P4HA1: variants seen among roughly 807,000 people sequenced by gnomAD.
P4HA1 encodes prolyl 4-hydroxylase subunit alpha-1.
Under a neutral mutation model 72.8 loss-of-function variants are expected in P4HA1, and 24 were observed. The ratio of observed to expected loss-of-function variants is 0.33; its 90% CI spans 0.24 to 0.46. The LOEUF is 0.46. Ranked by LOEUF, P4HA1 falls within the 20% of genes least tolerant of loss-of-function variation. The probability of loss-of-function intolerance (pLI) is 1.00; values close to 1 mark genes in which losing one functional copy is unlikely to be tolerated. For missense variants in P4HA1, 446 were observed against 640.6 expected (o/e 0.70, Z 3.28); for synonymous variants, 201 against 218.8 (o/e 0.92, Z 0.72).
At chr10:73,048,345 C>A (rs141190144) in intron 7 of P4HA1, among the ~76,000 whole-genome samples, 1 of 152,148 alleles carries the variant, frequency 6.6e-6, no homozygotes, top group Non-Finnish European at 1.5e-5. Context: ...CTCACTGCAG[C>A]CTCTGCCTCC....
chr10:73,072,756 A>C (rs1841595216), intron 3 of P4HA1, among the ~76,000 whole-genome samples: 1 of 152,216 alleles, frequency 6.6e-6, no homozygotes, highest in South Asian at 2.1e-4. Context: ...CGCTACCATC[A>C]CTATAATCTC....
chr10:73,069,104 T>C (rs2133126367), intron 4 of P4HA1, 121 bp from the exon 5 acceptor site: 3 of 706,798 alleles, frequency 4.2e-6, no homozygotes, highest in Admixed American at 5.7e-5. Context: ...TGAAAAGTTC[T>C]ACATACTCAA....
intron 5 of P4HA1, among the ~76,000 whole-genome samples, chr10:73,054,344 T>C (rs1220665514): frequency 1.3e-5 from 2 of 152,222 alleles, no homozygotes; most frequent in African/African-American, 4.8e-5. Flanking sequence ...ATAAATTCAC[T>C]CATTGAAAGA....
chr10:73,050,557 G>A (rs1347517305), intron 7 of P4HA1, among the ~76,000 whole-genome samples: 6 of 151,874 alleles, frequency 4.0e-5, no homozygotes, highest in African/African-American at 1.5e-4. Flanking sequence ...AAAATTAGCC[G>A]GGTATGGTGG....
chr10:73,050,307 A>G (rs1840988234), intron 7 of P4HA1, among the ~76,000 whole-genome samples: 1 of 152,218 alleles, frequency 6.6e-6, no homozygotes, highest in Admixed American at 6.5e-5. Flanking sequence ...ATGTAATAGT[A>G]TATGATTCAC....
intron 11 of P4HA1, among the ~76,000 whole-genome samples, chr10:73,014,802 A>G (rs1203594346): frequency 6.6e-6 from 1 of 151,764 alleles, no homozygotes; most frequent in Non-Finnish European, 1.5e-5. Flanking sequence ...CGACCTACTG[A>G]AATATTTCCT....
At chr10:73,069,031 C>T in intron 4 of P4HA1, 48 bp from the exon 5 acceptor site, 1 of 1,403,880 alleles carries the variant, frequency 7.1e-7, no homozygotes, top group South Asian at 1.2e-5. Flanking sequence ...ACCTCATAAA[C>T]TTCCCATAAA....
chr10:73,083,109 C>T (rs910131081), intron 1 of P4HA1, among the ~76,000 whole-genome samples: 19 of 152,290 alleles, frequency 1.2e-4, no homozygotes, highest in African/African-American at 4.1e-4. Flanking sequence ...TCCATCTTAA[C>T]AGGATGTATC....
chr10:73,090,491 T>C (rs1224101524), intron 1 of P4HA1, among the ~76,000 whole-genome samples: 1 of 152,204 alleles, frequency 6.6e-6, no homozygotes, highest in Non-Finnish European at 1.5e-5. Flanking sequence ...ACTGATATTT[T>C]TTTAAGTAGA....
chr10:73,063,371 TC>T (rs1841353180), intron 5 of P4HA1, among the ~76,000 whole-genome samples: 1 of 152,292 alleles, frequency 6.6e-6, no homozygotes, highest in African/African-American at 2.4e-5. Context: ...AAAGCCTCTT[TC>T]ATAAGGGCCT....
At chr10:73,040,184 G>C (rs1840698977) in intron 9 of P4HA1, among the ~76,000 whole-genome samples, 2 of 151,960 alleles carry the variant, frequency 1.3e-5, no homozygotes, top group African/African-American at 2.4e-5. Flanking sequence ...AATGCTAGTA[G>C]CTAAATACCT....
intron 9 of P4HA1, among the ~76,000 whole-genome samples, chr10:73,034,907 T>C (rs1467137994): frequency 2.0e-5 from 3 of 152,174 alleles, no homozygotes; most frequent in Admixed American, 6.5e-5. Flanking sequence ...GGTTCATCCA[T>C]GTTATAAGCA....
chr10:73,080,284 T>C (rs936043800), intron 1 of P4HA1, among the ~76,000 whole-genome samples: 1 of 152,174 alleles, frequency 6.6e-6, no homozygotes, highest in African/African-American at 2.4e-5. Flanking sequence ...AAAATGAAGA[T>C]AGACCTATAT....
At chr10:73,017,815 T>G (rs1383448773) in intron 10 of P4HA1, among the ~76,000 whole-genome samples, 1 of 152,178 alleles carries the variant, frequency 6.6e-6, no homozygotes, top group Admixed American at 6.5e-5. Context: ...TTGGATATCA[T>G]CTCAGTTTTC....
intron 1 of P4HA1, among the ~76,000 whole-genome samples, chr10:73,087,419 C>T (rs1841945494): frequency 1.3e-5 from 2 of 152,062 alleles, no homozygotes; most frequent in South Asian, 4.2e-4. Context: ...CAGGCACGTG[C>T]CACCACACCT....
chr10:73,052,464 A>G (rs1243601225), intron 6 of P4HA1, among the ~76,000 whole-genome samples: 1 of 152,208 alleles, frequency 6.6e-6, no homozygotes, highest in Admixed American at 6.5e-5. Context: ...TGGCTTATAG[A>G]TGACTCTTCT....
rs1564616389 is a variant in P4HA1 at position 73,008,179 on chromosome 10, C to G, written c.*43G>C. ...AAGACTAGGAAATGTGTATATCAGACACATAAGAGTACAACAATAGGAGAA... is the reference window on the plus strand; with the variant it reads ...AAGACTAGGAAATGTGTATATCAGAGACATAAGAGTACAACAATAGGAGAA... On this transcript the variant is annotated 3_prime_UTR_variant, in exon 15 of 15. Coordinates refer to ENST00000394890, the MANE Select transcript of P4HA1 (RefSeq NM_001017962.3). 8.5e-7 allele frequency: 1 copy of G among 1,182,836 alleles called. No homozygotes were observed. The highest frequency in any genetic ancestry group is 1.7e-5 in the Admixed American group (1 of 58,130). 73.3% of individuals were successfully genotyped at this position (1,182,836 alleles called of 1,614,324 possible).
In P4HA1 at chr10:73,072,154, G is replaced by C. The variant is rs1214645930; in HGVS notation, c.200C>G (p.Thr67Ser). ...TTCTGGATCTTTTGTCGCTGTACTA[G>C]TTAGCCGATCTAACTTCTCTGCCCA... ...KKWAEKLDRL[T>S]STATKDPEGF... Residue 67 changes from threonine to serine, a missense_variant, in exon 4 of 15, where the codon ACT (threonine) becomes AGT (serine). By Grantham distance (58) the Thr-to-Ser change is moderately conservative. Transcript: ENST00000394890. 6.2e-7 allele frequency: 1 copy of C among 1,612,806 alleles called. No individual in the cohort carries two copies. The highest frequency in any genetic ancestry group is 2.2e-5 in the East Asian group (1 of 44,822).
intron 8 of P4HA1, among the ~76,000 whole-genome samples, chr10:73,045,921 GAA>G: frequency 6.9e-6 from 1 of 144,976 alleles, no homozygotes; most frequent in South Asian, 2.2e-4. Flanking sequence ...AACTCTAAAA[GAA>G]ATTCTAACTT....
Sources: allele counts gnomAD v4.1 joint callset (sites outside exome capture counted in the v4.1 genomes callset), GRCh38; gene constraint gnomAD v4.1.1; transcripts MANE v1.5; gene names NCBI Gene and HGNC (gene_info 2026-07-23, HGNC 2026-07-21).